Variants in GRAP2 observed in about 807,000 individuals in gnomAD.
The protein encoded by GRAP2 is GRB2-related adapter protein 2.
GRAP2 carries 31 observed loss-of-function variants against 43.5 expected under a neutral mutation model. The observed-to-expected ratio is 0.71, with a 90% CI of 0.54 to 0.96. The LOEUF is 0.96. Ranked by LOEUF, GRAP2 falls within the 40% of genes least tolerant of loss-of-function variation. The pLI is 0.00. For synonymous variants in GRAP2, 156 were observed against 164.8 expected (o/e 0.95, Z 0.41); for missense variants, 371 against 424.4 (o/e 0.87, Z 1.11).
chr22:39,926,587 G>A (rs1160008646), intron 1 of GRAP2: 1 of 984,702 alleles, frequency 1.0e-6, no homozygotes, highest in African/African-American at 1.7e-5. Context: ...AGCTGGGGGT[G>A]GGGAAAAGTC....
At chr22:39,924,604 A>T (rs901941941) in intron 1 of GRAP2, among the ~76,000 whole-genome samples, 2 of 152,180 alleles carry the variant, frequency 1.3e-5, no homozygotes, top group Non-Finnish European at 2.9e-5. Context: ...CGGGAGGCTG[A>T]GGCAGGATAA....
chr22:39,921,030 A>G (rs563559282), intron 1 of GRAP2, among the ~76,000 whole-genome samples: 58 of 152,034 alleles, frequency 3.8e-4, no homozygotes, highest in Admixed American at 3.5e-3. Context: ...TTGCCCTGGC[A>G]ATGAAGAATC....
chr22:39,905,642 G>A (rs995657408), intron 1 of GRAP2, among the ~76,000 whole-genome samples: 1 of 152,152 alleles, frequency 6.6e-6, no homozygotes, highest in African/African-American at 2.4e-5. Flanking sequence ...TACTTTGTAG[G>A]TACTAACTCG....
intron 2 of GRAP2, among the ~76,000 whole-genome samples, chr22:39,952,027 T>G (rs954927983): frequency 1.2e-3 from 181 of 151,178 alleles, no homozygotes; most frequent in African/African-American, 3.7e-3. Context: ...TGGTTTTTTT[T>G]TTTTTTTTTT....
At chr22:39,916,854 A>G (rs1317020304) in intron 1 of GRAP2, among the ~76,000 whole-genome samples, 1 of 151,978 alleles carries the variant, frequency 6.6e-6, no homozygotes, top group Non-Finnish European at 1.5e-5. Flanking sequence ...GATTTATTTG[A>G]TGGTTTTGGC....
intron 5 of GRAP2, among the ~76,000 whole-genome samples, chr22:39,967,085 C>T (rs2067182709): frequency 6.6e-6 from 1 of 152,134 alleles, no homozygotes; most frequent in Non-Finnish European, 1.5e-5. Context: ...AAGAAGCATT[C>T]ACTAGAATAG....
intron 1 of GRAP2, among the ~76,000 whole-genome samples, chr22:39,917,086 G>A (rs1429012528): frequency 1.3e-5 from 2 of 152,184 alleles, no homozygotes; most frequent in Non-Finnish European, 1.5e-5. Flanking sequence ...CTGAGAAGTT[G>A]GGGGAAAGAT....
intron 1 of GRAP2, among the ~76,000 whole-genome samples, chr22:39,918,712 T>A (rs1048831683): frequency 6.6e-6 from 1 of 152,174 alleles, no homozygotes; most frequent in Non-Finnish European, 1.5e-5. Flanking sequence ...ACTTTGGTAA[T>A]TATATTTTAA....
chr22:39,938,873 C>T (rs1451623226), intron 1 of GRAP2, among the ~76,000 whole-genome samples: 1 of 152,158 alleles, frequency 6.6e-6, no homozygotes, highest in Non-Finnish European at 1.5e-5. Flanking sequence ...CTCATGGTCT[C>T]CAAGACTTGC....
intron 1 of GRAP2, among the ~76,000 whole-genome samples, chr22:39,901,921 G>A (rs752084518): frequency 5.3e-5 from 8 of 152,168 alleles, no homozygotes; most frequent in Non-Finnish European, 7.3e-5. Context: ...TGGTTTAGGC[G>A]TCCAGTCTGA....
At chr22:39,963,032 C>A (rs1428239252) in intron 4 of GRAP2, among the ~76,000 whole-genome samples, 2 of 152,200 alleles carry the variant, frequency 1.3e-5, no homozygotes, top group Non-Finnish European at 2.9e-5. Flanking sequence ...GCCTTGACTT[C>A]TACCGAAGTC....
chr22:39,948,543 T>C (rs74990349), intron 2 of GRAP2: 2 of 152,080 alleles, frequency 1.3e-5, no homozygotes, highest in South Asian at 4.2e-4. Flanking sequence ...AAAAAAACTT[T>C]GCTCAACTCT....
chr22:39,956,320 G>C (rs1298727804), intron 3 of GRAP2, among the ~76,000 whole-genome samples: 1 of 151,796 alleles, frequency 6.6e-6, no homozygotes, highest in Non-Finnish European at 1.5e-5. Flanking sequence ...ACCACGCCAG[G>C]CTAGTTTTTG....
At chr22:39,954,420 G>A (rs1232373398) in intron 2 of GRAP2, among the ~76,000 whole-genome samples, 1 of 151,856 alleles carries the variant, frequency 6.6e-6, no homozygotes, top group East Asian at 1.9e-4. Flanking sequence ...TTTTTTGAGA[G>A]AGGCTTGCTC....
rs546983476 is a variant in GRAP2, at chr22:39,933,695, G to A, written c.-14-13398G>A. 1.5e-3 allele frequency among the ~76,000 whole-genome samples: 234 copies of A among 152,084 alleles called. 1 individual carries two copies. Among genetic ancestry groups the A allele is most frequent in the Middle Eastern group, 3.4e-3 (1 of 294 alleles). ...ATCTCTAGTAAAAATACAAAAATTA[G>A]CCAGGCGTGGTGGCGGGCACCTGTA... On this transcript the variant is annotated intron_variant, in intron 1 of 7. Coordinates refer to ENST00000344138, the MANE Select transcript of GRAP2 (RefSeq NM_004810.4).
intron 3 of GRAP2, among the ~76,000 whole-genome samples, chr22:39,957,212 TG>T (rs2067063970): frequency 6.6e-6 from 1 of 152,204 alleles, no homozygotes; most frequent in African/African-American, 2.4e-5. Flanking sequence ...GCACCAGTCT[TG>T]GTAAACCTGA....
At chr22:39,906,228 T>G (rs1009151514) in intron 1 of GRAP2, among the ~76,000 whole-genome samples, 1 of 152,174 alleles carries the variant, frequency 6.6e-6, no homozygotes, top group Non-Finnish European at 1.5e-5. Context: ...CTATATAAGA[T>G]TTTACCATAA....
chr22:39,958,177 G>A (rs1029164726), intron 3 of GRAP2, among the ~76,000 whole-genome samples: 1 of 152,010 alleles, frequency 6.6e-6, no homozygotes, highest in East Asian at 1.9e-4. Flanking sequence ...GCTCCAGGAC[G>A]TCCTTCCTCC....
intron 2 of GRAP2, chr22:39,947,875 T>C (rs1159762262): frequency 6.6e-6 from 1 of 152,408 alleles, no homozygotes; most frequent in Admixed American, 6.5e-5. Context: ...TTGTTTTGTT[T>C]GTTTGCAAAA....
Sources: allele counts gnomAD v4.1 joint callset (sites outside exome capture counted in the v4.1 genomes callset), GRCh38; gene constraint gnomAD v4.1.1; transcripts MANE v1.5; gene names NCBI Gene and HGNC (gene_info 2026-07-23, HGNC 2026-07-21).